The following PIK3C2G variants were observed in gnomAD, a reference collection of about 807,000 sequenced individuals.
The protein encoded by PIK3C2G is phosphatidylinositol 3-kinase C2 domain-containing subunit gamma.
In PIK3C2G, 168 loss-of-function variants were observed where a neutral mutation model predicts 181.1. The observed-to-expected ratio is 0.93, with a 90% CI of 0.82 to 1.05. The LOEUF (loss-of-function observed/expected upper bound fraction) is 1.05, where lower values mean the gene tolerates loss of function less well. Among genes scored for constraint, PIK3C2G ranks in the 50% least tolerant of loss-of-function variants. The pLI is 0.00. For missense variants in PIK3C2G, 1,869 were observed against 1,732.8 expected, an observed-to-expected ratio of 1.08 and a Z score of -1.40; for synonymous variants, 573 against 592.2, an observed-to-expected ratio of 0.97 and a Z score of 0.47.
intron 19 of PIK3C2G, 44 bp downstream of exon 19, chr12:18,488,673 TG>T: frequency 8.3e-7 from 1 of 1,211,822 alleles, no homozygotes; most frequent in East Asian, 2.9e-5. Flanking sequence ...TTTTTAACTT[TG>T]GCTTAAATTA....
chr12:18,268,012 C>T (rs1451590161), intron 1 of PIK3C2G, among the ~76,000 whole-genome samples: 1 of 152,174 alleles, frequency 6.6e-6, no homozygotes, highest in Admixed American at 6.5e-5. Flanking sequence ...AACAGATCAA[C>T]CTTTTTAGGG....
intron 24 of PIK3C2G, among the ~76,000 whole-genome samples, chr12:18,505,786 G>A (rs1941788921): frequency 6.6e-6 from 1 of 152,160 alleles, no homozygotes; most frequent in South Asian, 2.1e-4. Context: ...ATGAATTGAT[G>A]ATCTCAAAAC....
intron 31 of PIK3C2G, among the ~76,000 whole-genome samples, chr12:18,624,882 T>A (rs1949025968): frequency 6.6e-6 from 1 of 151,702 alleles, no homozygotes; most frequent in Non-Finnish European, 1.5e-5. Flanking sequence ...CCAGTTGTAA[T>A]AGCACTTTTT....
the PIK3C2G span, among the ~76,000 whole-genome samples, chr12:18,691,998 G>A: frequency 3.9e-3 from 587 of 152,258 alleles, 5 homozygotes; most frequent in African/African-American, 0.013. Context: ...TGAAGTAGAC[G>A]TGGAGTGTAG....
Position 18,483,630 on chromosome 12 carries a change from TTTTG to T in PIK3C2G, c.2505-4815_2505-4812del, listed in dbSNP as rs199517350. ...TTCACCAGACTTGGCTCCAGATGAC[TTTTG>T]TTTATTTTCAGTAATTAGATTTGCC... On this transcript the variant is annotated intron_variant, in intron 18 of 32. Coordinates refer to ENST00000538779, the MANE Select transcript of PIK3C2G (RefSeq NM_001288772.2). Among the ~76,000 whole-genome samples, 491 of 152,098 alleles carry T rather than the reference TTTTG, an allele frequency of 3.2e-3. 3 individuals are homozygous for T. The highest frequency in any genetic ancestry group is 0.011 in the African/African-American group (470 of 41,492).
intron 31 of PIK3C2G, 128 bp downstream of exon 31, chr12:18,609,757 T>C: frequency 1.7e-6 from 1 of 605,958 alleles, no homozygotes; most frequent in Non-Finnish European, 2.9e-6. Context: ...TAAGAAACAA[T>C]GAGCCAATTA....
At chr12:18,621,913 T>A (rs926033983) in intron 31 of PIK3C2G, among the ~76,000 whole-genome samples, 3 of 151,748 alleles carry the variant, frequency 2.0e-5, no homozygotes, top group African/African-American at 7.2e-5. Context: ...ATTCTACCAT[T>A]TATTTTATAT....
intron 13 of PIK3C2G, among the ~76,000 whole-genome samples, chr12:18,372,285 G>A (rs941680259): frequency 1.3e-5 from 2 of 151,808 alleles, no homozygotes; most frequent in Non-Finnish European, 2.9e-5. Flanking sequence ...ATTGTTCCTT[G>A]AGGACAGGGA....
the PIK3C2G span, among the ~76,000 whole-genome samples, chr12:18,718,709 T>C: frequency 1.6e-4 from 24 of 152,322 alleles, no homozygotes; most frequent in African/African-American, 5.8e-4. Flanking sequence ...ACAGTCACTT[T>C]CTATCACATT....
At chr12:18,315,167 A>C (rs1305308925) in intron 6 of PIK3C2G, among the ~76,000 whole-genome samples, 1 of 152,202 alleles carries the variant, frequency 6.6e-6, no homozygotes, top group Non-Finnish European at 1.5e-5. Context: ...GTGTTTCATC[A>C]TAAGAAAATT....
At chr12:18,687,938 G>T in the PIK3C2G span, 2 of 882,052 alleles carry the variant, frequency 2.3e-6, no homozygotes, top group South Asian at 3.6e-5. Flanking sequence ...AAATGTTTTT[G>T]TTGCATATAA....
At chr12:18,495,598 T>A (rs1007627958) in intron 20 of PIK3C2G, among the ~76,000 whole-genome samples, 2 of 152,142 alleles carry the variant, frequency 1.3e-5, no homozygotes, top group Non-Finnish European at 2.9e-5. Flanking sequence ...GCAAATTAGT[T>A]ATAAAGCTTA....
intron 5 of PIK3C2G, among the ~76,000 whole-genome samples, chr12:18,295,290 G>A (rs1949889997): frequency 6.6e-6 from 1 of 151,736 alleles, no homozygotes; most frequent in Non-Finnish European, 1.5e-5. Context: ...TAAATCCAAT[G>A]AGCACAGGAA....
intron 16 of PIK3C2G, among the ~76,000 whole-genome samples, chr12:18,417,827 C>T (rs1366236286): frequency 6.6e-6 from 1 of 151,790 alleles, no homozygotes; most frequent in Non-Finnish European, 1.5e-5. Flanking sequence ...ACCAAACCTG[C>T]AATATCTCTG....
chr12:18,709,563 G>A, the PIK3C2G span, among the ~76,000 whole-genome samples: 19 of 151,684 alleles, frequency 1.3e-4, no homozygotes, highest in Non-Finnish European at 2.6e-4. Context: ...AATGCCATTG[G>A]AATTTTGATA....
rs11044031 is a variant in PIK3C2G, at chr12:18,339,840, G to A, written c.1395+1292G>A. Reference sequence around the variant, plus strand: ...AATGAAGATTTTGATGAGTCATGGAGGTATACCACAAAAATATTTTAAGGA... The same window carrying A: ...AATGAAGATTTTGATGAGTCATGGAAGTATACCACAAAAATATTTTAAGGA... On this transcript the variant is annotated intron_variant, in intron 9 of 32. Coordinates refer to ENST00000538779, the MANE Select transcript of PIK3C2G (RefSeq NM_001288772.2). Among the ~76,000 whole-genome samples, 612 of 152,092 alleles carry A rather than the reference G, an allele frequency of 4.0e-3. 1 individual carries two copies. Among genetic ancestry groups the A allele is most frequent in the African/African-American group, 0.014 (573 of 41,478 alleles).
chr12:18,642,421 A>C (rs930846733), intron 32 of PIK3C2G, among the ~76,000 whole-genome samples: 2 of 152,222 alleles, frequency 1.3e-5, no homozygotes, highest in East Asian at 3.9e-4. Context: ...ACTTGGGAAT[A>C]TTTGTGTTCT....
chr12:18,494,705 T>C (rs941371925), intron 20 of PIK3C2G, among the ~76,000 whole-genome samples: 1 of 152,152 alleles, frequency 6.6e-6, no homozygotes, highest in Non-Finnish European at 1.5e-5. Context: ...TCTACACTCA[T>C]TTCTTGCCTC....
At chr12:18,402,679 TG>T (rs1176473238) in intron 16 of PIK3C2G, among the ~76,000 whole-genome samples, 5 of 152,146 alleles carry the variant, frequency 3.3e-5, no homozygotes, top group African/African-American at 1.2e-4. Context: ...AGAATGAGAT[TG>T]TAATACTGCT....
Sources: gnomAD v4.1 joint callset for allele counts (sites outside exome capture counted in the v4.1 genomes callset) on GRCh38, gnomAD v4.1.1 for gene constraint, MANE v1.5 for transcripts, NCBI Gene and HGNC (gene_info 2026-07-23, HGNC 2026-07-21) for gene names.